CAMTA1: variants seen among roughly 807,000 people sequenced by gnomAD.
CAMTA1 encodes calmodulin-binding transcription activator 1.
In CAMTA1, 27 loss-of-function variants were observed where a neutral mutation model predicts 170.9. The ratio of observed to expected loss-of-function variants is 0.16; its 90% CI spans 0.12 to 0.22. The LOEUF (loss-of-function observed/expected upper bound fraction) is 0.22. Ranked by LOEUF, CAMTA1 falls within the 10% of genes least tolerant of loss-of-function variation. CAMTA1 has a pLI of 1.00. For missense variants in CAMTA1, 1,619 were observed against 2,217.2 expected, an observed-to-expected ratio of 0.73 and a Z score of 5.42; for synonymous variants, 833 against 891.5, an observed-to-expected ratio of 0.93 and a Z score of 1.17.
chr1:7,413,117 C>G (rs1238366474), intron 5 of CAMTA1, among the ~76,000 whole-genome samples: 2 of 147,484 alleles, frequency 1.4e-5, no homozygotes, highest in Non-Finnish European at 1.5e-5. Context: ...TGATCTATAT[C>G]TCTGTTTTGG....
intron 3 of CAMTA1, among the ~76,000 whole-genome samples, chr1:7,077,438 A>G (rs997430375): frequency 6.6e-6 from 1 of 151,784 alleles, no homozygotes; most frequent in African/African-American, 2.4e-5. Context: ...TACCCCTTGT[A>G]TGGGAGCAGA....
At chr1:6,881,192 T>A (rs1671470371) in intron 3 of CAMTA1, among the ~76,000 whole-genome samples, 1 of 152,204 alleles carries the variant, frequency 6.6e-6, no homozygotes, top group Admixed American at 6.5e-5. Context: ...GTTTCTCTTT[T>A]AAAAAACTGC....
At chr1:7,180,137 C>T (rs1444868614) in intron 4 of CAMTA1, among the ~76,000 whole-genome samples, 8 of 151,998 alleles carry the variant, frequency 5.3e-5, no homozygotes, top group African/African-American at 9.7e-5. Context: ...GAGGCTGAGG[C>T]GGGTGGATCA....
intron 3 of CAMTA1, among the ~76,000 whole-genome samples, chr1:6,913,182 C>T (rs1680080073): frequency 6.6e-6 from 1 of 152,186 alleles, no homozygotes; most frequent in Admixed American, 6.5e-5. Flanking sequence ...ATTTTAGAGG[C>T]CAGTTTCTCC....
chr1:6,936,268 T>C (rs539834467), intron 3 of CAMTA1, among the ~76,000 whole-genome samples: 57 of 152,336 alleles, frequency 3.7e-4, no homozygotes, highest in African/African-American at 1.3e-3. Flanking sequence ...GCAATTTTCC[T>C]ATATCTCTTC....
intron 3 of CAMTA1, among the ~76,000 whole-genome samples, chr1:6,926,862 C>G (rs1325310327): frequency 6.6e-6 from 1 of 151,916 alleles, no homozygotes; most frequent in Non-Finnish European, 1.5e-5. Flanking sequence ...TCCAAAGTAG[C>G]TGGGACTACA....
At chr1:7,614,532 C>A (rs904386429) in intron 6 of CAMTA1, among the ~76,000 whole-genome samples, 2 of 152,182 alleles carry the variant, frequency 1.3e-5, no homozygotes, top group Non-Finnish European at 2.9e-5. Context: ...ATGACAGTGA[C>A]AACAACCGCC....
At position 7,064,959 on chromosome 1, in the gene CAMTA1, C is replaced by A. The variant is rs1052994424; in HGVS notation, c.235-26345C>A. On this transcript the variant is annotated intron_variant, in intron 3 of 22. Transcript: ENST00000303635. The surrounding 1 kb of genome is among the most constrained non-coding windows in gnomAD (Gnocchi z 5.4). Reference sequence around the variant, plus strand: ...GGATGTCCCTCAGAGTTAGAACCAACAGAGTTTGTAGGTTTTCAGCTTCAG... The same window carrying A: ...GGATGTCCCTCAGAGTTAGAACCAAAAGAGTTTGTAGGTTTTCAGCTTCAG... Among the ~76,000 whole-genome samples the A allele has an allele frequency of 6.6e-6, 1 of 152,094 alleles. No homozygotes were observed.
intron 6 of CAMTA1, among the ~76,000 whole-genome samples, chr1:7,497,295 C>T (rs1257317496): frequency 1.3e-5 from 2 of 152,072 alleles, no homozygotes; most frequent in Admixed American, 6.5e-5. Context: ...TAGAAGCCAG[C>T]CACCTCCCCC....
chr1:6,850,810 T>C (rs1660087093), intron 3 of CAMTA1, among the ~76,000 whole-genome samples: 1 of 152,062 alleles, frequency 6.6e-6, no homozygotes, highest in Admixed American at 6.5e-5. Flanking sequence ...AGGACAAAAA[T>C]TGGAGTTTGG....
At chr1:7,281,445 C>T (rs1671492943) in intron 5 of CAMTA1, among the ~76,000 whole-genome samples, 1 of 152,152 alleles carries the variant, frequency 6.6e-6, no homozygotes, top group Admixed American at 6.5e-5. Context: ...ATTTCATCCC[C>T]TTGAATTTGA....
chr1:7,739,979 T>C (rs997033637), intron 16 of CAMTA1, among the ~76,000 whole-genome samples: 1 of 152,110 alleles, frequency 6.6e-6, no homozygotes, highest in Non-Finnish European at 1.5e-5. Flanking sequence ...ATGGGAATTA[T>C]GGGAGCTACA....
rs149231245 is a variant in CAMTA1 at position 7,490,566 on chromosome 1, C to T, written c.510+22665C>T. Among the ~76,000 whole-genome samples the T allele has an allele frequency of 6.3e-3, 959 of 152,228 alleles. 7 individuals carry two copies. Among genetic ancestry groups the T allele is most frequent in the African/African-American group, 0.013 (533 of 41,516 alleles). ...ACTCGGGAGGCTGAGGCCGGAGAAT[C>T]GCTTGAACCCAGGAGGCGGAGGTTG... is the stretch of plus-strand genomic sequence containing the variant. On this transcript the variant is annotated intron_variant, in intron 6 of 22. Transcript: ENST00000303635.
intron 4 of CAMTA1, among the ~76,000 whole-genome samples, chr1:7,149,129 A>G (rs929002029): frequency 1.3e-5 from 2 of 152,312 alleles, no homozygotes. Flanking sequence ...GGTGGGTACA[A>G]GTCCCTACTT....
chr1:6,916,997 C>G (rs1680950176), intron 3 of CAMTA1, among the ~76,000 whole-genome samples: 1 of 152,128 alleles, frequency 6.6e-6, no homozygotes, highest in Non-Finnish European at 1.5e-5. Flanking sequence ...TGGGGTGGGT[C>G]AGGGAAGACT....
rs546080829 is a variant in CAMTA1 at position 7,397,943 on chromosome 1, G to A, written c.439-69887G>A. Among the ~76,000 whole-genome samples the A allele has an allele frequency of 7.9e-5, 12 of 151,916 alleles. 1 individual carries two copies. In the South Asian group the frequency reaches 2.3e-3, roughly 29 times the overall value. ...AGAAAGTGCCATGTGCTGTAGAGAAGAATGTATATTCTGCAGCTGCTGGAT... is the reference window on the plus strand; with the variant it reads ...AGAAAGTGCCATGTGCTGTAGAGAAAAATGTATATTCTGCAGCTGCTGGAT... On this transcript the variant is annotated intron_variant, in intron 5 of 22. Transcript: ENST00000303635.
chr1:7,030,950 T>A (rs1034654831), intron 3 of CAMTA1, among the ~76,000 whole-genome samples: 1 of 150,064 alleles, frequency 6.7e-6, no homozygotes, highest in Non-Finnish European at 1.5e-5. Flanking sequence ...TTCTCCTGCC[T>A]CAGCCTCCCG....
intron 6 of CAMTA1, among the ~76,000 whole-genome samples, chr1:7,560,016 G>A (rs1317114975): frequency 6.6e-6 from 1 of 152,208 alleles, no homozygotes; most frequent in African/African-American, 2.4e-5. Context: ...AAATAAATGG[G>A]CACTTCCTCC....
chr1:6,883,292 G>A (rs1672132629), intron 3 of CAMTA1, among the ~76,000 whole-genome samples: 1 of 152,202 alleles, frequency 6.6e-6, no homozygotes, highest in East Asian at 1.9e-4. Context: ...TGGTAGCGGG[G>A]CGATCGTTGG....
Sources: gnomAD v4.1 joint callset for allele counts (sites outside exome capture counted in the v4.1 genomes callset) on GRCh38, gnomAD v4.1.1 for gene constraint, Gnocchi (gnomAD v3.1) non-coding constraint, MANE v1.5 for transcripts, NCBI Gene and HGNC (gene_info 2026-07-23, HGNC 2026-07-21) for gene names.